The following IL17RD variants were observed in gnomAD, a reference collection of about 807,000 sequenced individuals.
IL17RD encodes the protein interleukin 17 receptor D, also known as interleukin-17 receptor D.
IL17RD carries 52 observed loss-of-function variants against 80.5 expected under a neutral mutation model. The observed-to-expected ratio is 0.65, with a 90% confidence interval of 0.52 to 0.81. The LOEUF is 0.81. Among genes scored for constraint, IL17RD ranks in the 40% least tolerant of loss-of-function variants. The pLI is 0.00. For synonymous variants in IL17RD, 416 were observed against 391.8 expected, an observed-to-expected ratio of 1.06 and a Z score of -0.73; for missense variants, 1,024 against 955.1, an observed-to-expected ratio of 1.07 and a Z score of -0.95.
At chr3:57,127,293 T>TAAATATATATAAAAATATATAA (rs1559476959) in intron 1 of IL17RD, among the ~76,000 whole-genome samples, 2 of 93,406 alleles carry the variant, frequency 2.1e-5, no homozygotes, top group South Asian at 2.8e-4. Flanking sequence ...TAAATATATA[T>TAAATATATATAAAAATATATAA]AAATATATAT....
chr3:57,133,213 T>C (rs1011744610), intron 1 of IL17RD, among the ~76,000 whole-genome samples: 18 of 152,232 alleles, frequency 1.2e-4, no homozygotes, highest in Non-Finnish European at 2.5e-4. Flanking sequence ...GACTTTTACC[T>C]TTTGCCAAAC....
rs887333783 is a variant in IL17RD, at chr3:57,096,520, G to C, written c.2108-15C>G. The C allele has an allele frequency of 6.6e-7, 1 of 1,519,656 alleles. No individual in the cohort carries two copies. The highest frequency in any genetic ancestry group is 1.4e-5 in the African/African-American group (1 of 72,976). The allele number at this position is 1,519,656 out of a possible 1,614,324, so 94.1% of individuals were successfully genotyped here. On this transcript the variant is annotated splice_polypyrimidine_tract_variant and intron_variant, in intron 12 of 12. Transcript: ENST00000296318. The stretch of plus-strand genomic sequence containing the variant: ...TTCCTCCTCACCTAAGGAGAGAAGA[G>C]AGTACAGAGTCACACTGTCATTGCA...
intron 1 of IL17RD, among the ~76,000 whole-genome samples, chr3:57,154,775 T>G (rs567148180): frequency 6.6e-6 from 1 of 152,202 alleles, no homozygotes; most frequent in African/African-American, 2.4e-5. Flanking sequence ...TGCTTAATTT[T>G]GGTAAAACTC....
intron 1 of IL17RD, among the ~76,000 whole-genome samples, chr3:57,146,375 C>T (rs948418154): frequency 2.6e-5 from 4 of 152,126 alleles, no homozygotes; most frequent in African/African-American, 9.7e-5. Context: ...GGTAAATCAC[C>T]AGGTGAAAGA....
At chr3:57,147,934 A>G (rs1559484162) in intron 1 of IL17RD, among the ~76,000 whole-genome samples, 1 of 152,194 alleles carries the variant, frequency 6.6e-6, no homozygotes, top group African/African-American at 2.4e-5. Flanking sequence ...ACCAATTTGT[A>G]AAGGCAACAC....
chr3:57,162,408 A>G (rs951870927), intron 1 of IL17RD, among the ~76,000 whole-genome samples: 1 of 152,228 alleles, frequency 6.6e-6, no homozygotes, highest in Non-Finnish European at 1.5e-5. Context: ...AAGCAACCTT[A>G]GAGCTGAGGC....
At chr3:57,130,529 T>C (rs1384952998) in intron 1 of IL17RD, among the ~76,000 whole-genome samples, 2 of 152,196 alleles carry the variant, frequency 1.3e-5, no homozygotes, top group South Asian at 2.1e-4. Flanking sequence ...CTAATAAGTA[T>C]CTGCCTCTCT....
intron 1 of IL17RD, among the ~76,000 whole-genome samples, chr3:57,155,454 C>T (rs1276645287): frequency 6.6e-6 from 1 of 152,224 alleles, no homozygotes; most frequent in Non-Finnish European, 1.5e-5. Flanking sequence ...GGCTTGAAGC[C>T]CAGCCTCTAA....
intron 1 of IL17RD, among the ~76,000 whole-genome samples, chr3:57,131,432 C>T (rs1707606796): frequency 6.6e-6 from 1 of 152,154 alleles, no homozygotes; most frequent in Admixed American, 6.5e-5. Context: ...CAGGCTGTGC[C>T]ACACCCAGCC....
intron 11 of IL17RD, 69 bp from the exon 12 acceptor site, chr3:57,098,607 G>T: frequency 9.7e-7 from 1 of 1,033,166 alleles, no homozygotes; most frequent in Non-Finnish European, 1.4e-6. Context: ...TGAGTAACAG[G>T]AAGGGAAATG....
At chr3:57,142,875 G>A (rs1707857111) in intron 1 of IL17RD, among the ~76,000 whole-genome samples, 2 of 151,984 alleles carry the variant, frequency 1.3e-5, no homozygotes, top group African/African-American at 4.8e-5. Context: ...GAGATTTGAA[G>A]CTTCCTCAAC....
intron 1 of IL17RD, among the ~76,000 whole-genome samples, chr3:57,153,525 A>G (rs2060243930): frequency 2.0e-5 from 3 of 152,258 alleles, no homozygotes; most frequent in South Asian, 4.1e-4. Flanking sequence ...CAGGACATCA[A>G]AAAGCAATGA....
intron 5 of IL17RD, 113 bp downstream of exon 5, chr3:57,109,424 T>A: frequency 8.8e-7 from 1 of 1,140,106 alleles, no homozygotes; most frequent in Non-Finnish European, 1.2e-6. Context: ...GGATTAGAGG[T>A]GTGAGCCACC....
chr3:57,164,087 A>G (rs1444575052), intron 1 of IL17RD, among the ~76,000 whole-genome samples: 1 of 152,230 alleles, frequency 6.6e-6, no homozygotes, highest in Non-Finnish European at 1.5e-5. Context: ...CAGCAATACT[A>G]AGGAAATTCT....
At chr3:57,110,684 T>A (rs1707076985) in intron 3 of IL17RD, among the ~76,000 whole-genome samples, 1 of 152,242 alleles carries the variant, frequency 6.6e-6, no homozygotes, top group African/African-American at 2.4e-5. Flanking sequence ...GATGATAATT[T>A]CCAGTGTTGA....
chr3:57,160,065 G>A (rs191612756), intron 1 of IL17RD, among the ~76,000 whole-genome samples: 19 of 152,232 alleles, frequency 1.2e-4, no homozygotes, highest in African/African-American at 4.3e-4. Context: ...CCAACTACTC[G>A]GGAGGCTGAG....
chr3:57,112,803 G>A (rs1463962436), intron 3 of IL17RD, among the ~76,000 whole-genome samples: 4 of 152,198 alleles, frequency 2.6e-5, no homozygotes, highest in Non-Finnish European at 5.9e-5. Flanking sequence ...ATCCTGTTCC[G>A]ATTAAGAAAT....
intron 1 of IL17RD, among the ~76,000 whole-genome samples, chr3:57,146,799 CGTGT>C (rs1309151053): frequency 2.1e-5 from 3 of 141,454 alleles, no homozygotes; most frequent in Non-Finnish European, 4.6e-5. Context: ...GTCAATATTT[CGTGT>C]GTGTGTGAGA....
At chr3:57,109,204 A>G (rs555273210) in intron 5 of IL17RD, among the ~76,000 whole-genome samples, 1 of 152,222 alleles carries the variant, frequency 6.6e-6, no homozygotes, top group East Asian at 1.9e-4. Context: ...GCTAGAGTGC[A>G]GTGGCCCAAT....
Sources: gnomAD v4.1 joint callset for allele counts (sites outside exome capture counted in the v4.1 genomes callset) on GRCh38, gnomAD v4.1.1 for gene constraint, MANE v1.5 for transcripts, NCBI Gene and HGNC (gene_info 2026-07-23, HGNC 2026-07-21) for gene names.